Variants in RIC1 observed in about 807,000 individuals in gnomAD.
RIC1 encodes the protein RIC1 partner of RAB6A GEF complex.
In RIC1, 88 loss-of-function variants were observed where a neutral mutation model predicts 169.0. That is an observed-to-expected ratio of 0.52 (90% CI 0.44 to 0.62). The LOEUF (loss-of-function observed/expected upper bound fraction) is 0.62, where lower values mean the gene tolerates loss of function less well. RIC1 is among the 20% of genes least tolerant of loss of function. The probability of loss-of-function intolerance (pLI) is 0.00; values close to 1 mark genes in which losing one functional copy is unlikely to be tolerated. For missense variants in RIC1, 1,877 were observed against 1,725.5 expected, an observed-to-expected ratio of 1.09 and a Z score of -1.56; for synonymous variants, 790 against 601.5, an observed-to-expected ratio of 1.31 and a Z score of -4.59.
At chr9:5,683,404 A>C (rs979047092) in intron 2 of RIC1, among the ~76,000 whole-genome samples, 3 of 152,166 alleles carry the variant, frequency 2.0e-5, no homozygotes, top group African/African-American at 7.2e-5. Context: ...AGTTTGCTGG[A>C]GGTCCACTCC....
At chr9:5,716,862 G>A (rs868061893) in intron 4 of RIC1, among the ~76,000 whole-genome samples, 2 of 152,072 alleles carry the variant, frequency 1.3e-5, no homozygotes, top group East Asian at 3.9e-4. Context: ...TTTAGAGGTG[G>A]TAGTCTCACT....
Position 5,763,476 on chromosome 9 carries a change from T to A in RIC1, c.2449T>A (p.Phe817Ile), listed in dbSNP as rs1365041881. 1.9e-6 allele frequency: 3 copies of A among 1,614,198 alleles called. No individual in the cohort carries two copies. Residue 817 changes from phenylalanine (F) to isoleucine (I), a missense_variant, in exon 19 of 26, where the codon TTC becomes ATC. By Grantham distance (21) the Phe-to-Ile change is conservative. Transcript: ENST00000414202. This position sits in a 1 kb window ranked among gnomAD's most constrained non-coding sequence, Gnocchi z 5.2. ...AGAACAGCTGGAGGTGCTCTTCCCT[T>A]TCTGTGTTGTGGAGAGAACCTCTCA... ...AREQLEVLFP[F>I]CVVERTSQIY... is the part of the protein sequence containing the mutation.
intron 3 of RIC1, among the ~76,000 whole-genome samples, chr9:5,708,325 A>G (rs1398046589): frequency 6.6e-6 from 1 of 152,142 alleles, no homozygotes; most frequent in Non-Finnish European, 1.5e-5. Flanking sequence ...TTCTGAACCA[A>G]AAATACTGCT....
chr9:5,758,707 A>G (rs1586702005), intron 17 of RIC1, among the ~76,000 whole-genome samples: 1 of 127,284 alleles, frequency 7.9e-6, no homozygotes, highest in Admixed American at 7.6e-5. Flanking sequence ...CCCCTTAAGC[A>G]TCTTGGTCTC....
chr9:5,718,015 C>T (rs895908441), intron 4 of RIC1, among the ~76,000 whole-genome samples: 1 of 151,428 alleles, frequency 6.6e-6, no homozygotes, highest in African/African-American at 2.4e-5. Context: ...TGGCGTGCGC[C>T]TGTAATCCCA....
intron 7 of RIC1, among the ~76,000 whole-genome samples, chr9:5,736,725 A>G (rs1824730873): frequency 6.6e-6 from 1 of 152,234 alleles, no homozygotes; most frequent in African/African-American, 2.4e-5. Context: ...GATGAAAAAC[A>G]TACTGTATGG....
intron 1 of RIC1, among the ~76,000 whole-genome samples, chr9:5,655,008 A>T (rs1431019489): frequency 6.6e-6 from 1 of 152,196 alleles, no homozygotes; most frequent in Non-Finnish European, 1.5e-5. Context: ...TTCTACATAG[A>T]TGATCACATT....
In RIC1 at chr9:5,763,929, A is replaced by G. The variant is rs1378945000; in HGVS notation, c.2841+61A>G. On this transcript the variant is annotated intron_variant, in intron 19 of 25. Coordinates refer to ENST00000414202, the MANE Select transcript of RIC1 (RefSeq NM_020829.4). The surrounding 1 kb of genome is among the most constrained non-coding windows in gnomAD (Gnocchi z 5.2). ...ATGAGCTTAAACTTAGAAAAATAGA[A>G]ATGTCCTGTTTTGACACCATGATTG... The G allele has an allele frequency of 1.3e-5, 19 of 1,505,996 alleles. No homozygotes were observed. Among genetic ancestry groups the G allele is most frequent in the Non-Finnish European group, 1.6e-5 (18 of 1,121,168 alleles). The allele number at this position is 1,505,996 out of a possible 1,614,324, so 93.3% of individuals were successfully genotyped here. A position where few individuals can be genotyped will look rare whatever the true frequency, so the allele number is the denominator to read the frequency against.
At chr9:5,631,579 C>T (rs1011552638) in intron 1 of RIC1, among the ~76,000 whole-genome samples, 3 of 151,208 alleles carry the variant, frequency 2.0e-5, no homozygotes, top group African/African-American at 7.3e-5. Context: ...CCCAGCTACT[C>T]GGGAGGCTGA....
Position 5,681,103 on chromosome 9 carries a change from G to GGTGT in RIC1, c.253-8855_253-8854insTGTG, listed in dbSNP as rs1215471891. ...GGCCTCCCAAAGTGCTGGGATTACA[G>GGTGT]GCGTGAGCCACCGCGCCCGGCCGAT... On this transcript the variant is annotated intron_variant, in intron 2 of 25. Coordinates refer to ENST00000414202, the MANE Select transcript of RIC1 (RefSeq NM_020829.4). Among the ~76,000 whole-genome samples, 2 of 152,016 alleles carry GGTGT rather than the reference G, an allele frequency of 1.3e-5. 1 individual carries two copies. Among genetic ancestry groups the GGTGT allele is most frequent in the Admixed American group, 1.3e-4 (2 of 15,262 alleles).
chr9:5,632,659 G>C (rs967797875), intron 1 of RIC1, among the ~76,000 whole-genome samples: 3 of 152,116 alleles, frequency 2.0e-5, no homozygotes, highest in African/African-American at 7.2e-5. Context: ...GGGGCAGTTG[G>C]TACATTTCTG....
intron 4 of RIC1, among the ~76,000 whole-genome samples, chr9:5,718,795 G>C (rs1823421489): frequency 6.6e-6 from 1 of 152,172 alleles, no homozygotes; most frequent in Non-Finnish European, 1.5e-5. Context: ...ACAAATGGCT[G>C]TGAAGTTCAA....
At position 5,774,365 on chromosome 9, in the gene RIC1, T is replaced by C; in HGVS notation, c.*119T>C. ...CAGTTCAGAGACTCTTCGGTAAGTA[T>C]TAGTAGATTTTAACTAATTCTTTCT... is the stretch of plus-strand genomic sequence containing the variant. On this transcript the variant is annotated 3_prime_UTR_variant, in exon 26 of 26. Coordinates refer to ENST00000414202, the MANE Select transcript of RIC1 (RefSeq NM_020829.4). 2 of 747,898 alleles carry C rather than the reference T, an allele frequency of 2.7e-6. No individual in the cohort carries two copies. The allele number at this position is 747,898 out of a possible 1,614,324, so 46.3% of individuals were successfully genotyped here.
chr9:5,681,171 C>G (rs2130644017), intron 2 of RIC1, among the ~76,000 whole-genome samples: 1 of 152,174 alleles, frequency 6.6e-6, no homozygotes, highest in Admixed American at 6.5e-5. Flanking sequence ...TTCAGTTCTG[C>G]TCTGATCTTA....
At chr9:5,718,131 C>T in intron 4 of RIC1, among the ~76,000 whole-genome samples, 1 of 93,754 alleles carries the variant, frequency 1.1e-5, no homozygotes, top group Non-Finnish European at 1.9e-5. Flanking sequence ...CAGAGCAAGA[C>T]TCCGTCTCAA....
In RIC1 at chr9:5,769,043, T is replaced by C. The variant is rs61744828; in HGVS notation, c.3211T>C (p.Leu1071=). Residue 1071 remains leucine (L), a synonymous_variant, in exon 22 of 26, where the codon TTA becomes CTA. Transcript: ENST00000414202. ...MMLWRHARRL[L]EDVRLKDLGC... Reference sequence around the variant, plus strand: ...GCTCTGGAGACATGCTCGGCGCCTCTTAGAAGATGTGAGGTTAAAGGACCT... The same window carrying C: ...GCTCTGGAGACATGCTCGGCGCCTCCTAGAAGATGTGAGGTTAAAGGACCT... 4.9e-4 allele frequency: 794 copies of C among 1,614,100 alleles called. 8 individuals are homozygous for C. In the African/African-American group the frequency reaches 8.8e-3, roughly 18 times the overall value.
At chr9:5,639,451 G>T (rs531315263) in intron 1 of RIC1, among the ~76,000 whole-genome samples, 19 of 152,208 alleles carry the variant, frequency 1.2e-4, no homozygotes, top group Non-Finnish European at 2.4e-4. Flanking sequence ...TATTATGAGA[G>T]AAGATGCTTG....
rs1827584256 is a variant in RIC1 at position 5,776,331 on chromosome 9, C to T, written c.*2085C>T. On this transcript the variant is annotated 3_prime_UTR_variant, in exon 26 of 26. Coordinates refer to ENST00000414202, the MANE Select transcript of RIC1 (RefSeq NM_020829.4). ...CCCATTTTTATTGTGGTGTTTGGTTCACATATCAACTGTTTAAGCCATAAT... is the reference window on the plus strand; with the variant it reads ...CCCATTTTTATTGTGGTGTTTGGTTTACATATCAACTGTTTAAGCCATAAT... The T allele has an allele frequency of 6.6e-6, 1 of 151,984 alleles. No homozygotes were observed. The highest frequency in any genetic ancestry group is 2.1e-4 in the South Asian group (1 of 4,822). 9.4% of individuals were successfully genotyped at this position (151,984 alleles called of 1,614,324 possible). A position where few individuals can be genotyped will look rare whatever the true frequency, so the allele number is the denominator to read the frequency against.
chr9:5,718,983 C>G (rs1359290005), intron 4 of RIC1: 1 of 151,916 alleles, frequency 6.6e-6, no homozygotes, highest in Admixed American at 6.6e-5. Flanking sequence ...ACATTTTTTT[C>G]ATCATTATGG....
Sources: allele counts gnomAD v4.1 joint callset (sites outside exome capture counted in the v4.1 genomes callset), GRCh38; gene constraint gnomAD v4.1.1; non-coding constraint Gnocchi (gnomAD v3.1); transcripts MANE v1.5; gene names NCBI Gene and HGNC (gene_info 2026-07-23, HGNC 2026-07-21).